BRINP3: variants seen among roughly 807,000 people sequenced by gnomAD.
BRINP3 encodes the protein BMP/retinoic acid-inducible neural-specific protein 3.
Under a neutral mutation model 71.0 loss-of-function variants are expected in BRINP3, and 19 were observed. The observed-to-expected ratio is 0.27, with a 90% CI of 0.19 to 0.39. The LOEUF (loss-of-function observed/expected upper bound fraction) is 0.39. BRINP3 is among the 10% of genes least tolerant of loss of function. BRINP3 has a pLI of 1.00. For missense variants in BRINP3, 959 were observed against 940.8 expected (o/e 1.02, Z -0.25); for synonymous variants, 380 against 337.7 (o/e 1.13, Z -1.37).
At chr1:190,397,990 T>C (rs892174955) in intron 2 of BRINP3, among the ~76,000 whole-genome samples, 3 of 151,976 alleles carry the variant, frequency 2.0e-5, no homozygotes, top group African/African-American at 7.2e-5. Flanking sequence ...AGTGAAGACT[T>C]TATTTTTGGA....
chr1:190,166,676 T>C (rs1651568185), intron 6 of BRINP3, among the ~76,000 whole-genome samples: 1 of 152,154 alleles, frequency 6.6e-6, no homozygotes, highest in African/African-American at 2.4e-5. Flanking sequence ...TAGTTCCATA[T>C]GGTGTTGTTC....
chr1:190,169,417 G>T (rs1467916517), intron 6 of BRINP3, among the ~76,000 whole-genome samples: 3 of 152,114 alleles, frequency 2.0e-5, no homozygotes, highest in Non-Finnish European at 2.9e-5. Flanking sequence ...GATTACTTCT[G>T]CTATTGTGAT....
intron 6 of BRINP3, among the ~76,000 whole-genome samples, chr1:190,176,484 C>A (rs1233095554): frequency 6.6e-6 from 1 of 152,040 alleles, no homozygotes; most frequent in Non-Finnish European, 1.5e-5. Context: ...ATCCTGAAAC[C>A]CTATGTGACA....
At chr1:190,162,915 G>A (rs865972628) in intron 6 of BRINP3, among the ~76,000 whole-genome samples, 9 of 151,994 alleles carry the variant, frequency 5.9e-5, no homozygotes, top group Middle Eastern at 3.2e-3. Context: ...CTGAACACCT[G>A]TTGTGCACAG....
chr1:190,194,237 A>G (rs1654288981), intron 6 of BRINP3, among the ~76,000 whole-genome samples: 1 of 152,120 alleles, frequency 6.6e-6, no homozygotes, highest in Non-Finnish European at 1.5e-5. Flanking sequence ...CACAGAATGC[A>G]GAAAGCCACC....
chr1:190,379,388 A>G (rs1157834711), intron 2 of BRINP3, among the ~76,000 whole-genome samples: 1 of 152,148 alleles, frequency 6.6e-6, no homozygotes, highest in African/African-American at 2.4e-5. Context: ...ACCAATGAAA[A>G]TATATGATCA....
At chr1:190,120,417 T>TATAATATTAAATATTAAA (rs1653538981) in intron 7 of BRINP3, among the ~76,000 whole-genome samples, 1 of 152,202 alleles carries the variant, frequency 6.6e-6, no homozygotes, top group Non-Finnish European at 1.5e-5. Context: ...AATATTGTCA[T>TATAATATTAAATATTAAA]ATAACTACTG....
At chr1:190,303,489 T>C (rs1309449205) in intron 2 of BRINP3, among the ~76,000 whole-genome samples, 1 of 151,802 alleles carries the variant, frequency 6.6e-6, no homozygotes, top group Non-Finnish European at 1.5e-5. Context: ...GGCTGCTATA[T>C]GACATAATTA....
chr1:190,329,314 T>A (rs995511488), intron 2 of BRINP3, among the ~76,000 whole-genome samples: 1 of 151,966 alleles, frequency 6.6e-6, no homozygotes, highest in Non-Finnish European at 1.5e-5. Context: ...CTGGAATGGA[T>A]AAATAACTTC....
rs562837896 is a variant in BRINP3, at chr1:190,259,484, C to G, written c.618+5381G>C. The stretch of plus-strand genomic sequence containing the variant: ...AGCTATGAATTAAAAAGAACTTCCT[C>G]CATGTATTAAAGAGCATGTATGAAA... On this transcript the variant is annotated intron_variant, in intron 4 of 7. Transcript: ENST00000367462. 8.6e-5 allele frequency among the ~76,000 whole-genome samples: 13 copies of G among 151,580 alleles called. No individual in the cohort carries two copies. In the East Asian group the frequency reaches 2.5e-3, roughly 29 times the overall value.
chr1:190,354,991 C>G (rs979553077), intron 2 of BRINP3, among the ~76,000 whole-genome samples: 2 of 151,808 alleles, frequency 1.3e-5, no homozygotes, highest in African/African-American at 4.8e-5. Context: ...CCTAATTCAG[C>G]TACCTCTATC....
intron 7 of BRINP3, among the ~76,000 whole-genome samples, chr1:190,103,458 T>C (rs1651871031): frequency 6.6e-6 from 1 of 152,090 alleles, no homozygotes. Context: ...TTAGGTATGA[T>C]TGGTGAACCA....
At chr1:190,151,278 T>C (rs890252305) in intron 7 of BRINP3, among the ~76,000 whole-genome samples, 4 of 152,192 alleles carry the variant, frequency 2.6e-5, no homozygotes, top group Non-Finnish European at 5.9e-5. Flanking sequence ...TATTAGAGAT[T>C]CAGCCCTAAC....
chr1:190,475,470 G>T (rs570393199), intron 1 of BRINP3, among the ~76,000 whole-genome samples: 29 of 152,262 alleles, frequency 1.9e-4, no homozygotes, highest in African/African-American at 6.3e-4. Context: ...CCAAGCACAC[G>T]TTCGCTGCAG....
chr1:190,116,416 G>A (rs1359602837), intron 7 of BRINP3, among the ~76,000 whole-genome samples: 1 of 152,052 alleles, frequency 6.6e-6, no homozygotes, highest in Non-Finnish European at 1.5e-5. Context: ...AAAGTGGTAT[G>A]TCAACATTAA....
At chr1:190,447,445 CTCTT>C (rs1423971496) in intron 2 of BRINP3, among the ~76,000 whole-genome samples, 9 of 146,930 alleles carry the variant, frequency 6.1e-5, no homozygotes, top group Admixed American at 5.5e-4. Flanking sequence ...TAATTCCAAT[CTCTT>C]TCCCTTTTCT....
chr1:190,114,926 T>C (rs1014729796), intron 7 of BRINP3, among the ~76,000 whole-genome samples: 4 of 152,242 alleles, frequency 2.6e-5, no homozygotes, highest in African/African-American at 9.6e-5. Flanking sequence ...CTTTAAACTA[T>C]TAATAATATT....
intron 2 of BRINP3, among the ~76,000 whole-genome samples, chr1:190,423,377 C>T (rs1673503295): frequency 4.0e-5 from 6 of 151,740 alleles, no homozygotes; most frequent in Middle Eastern, 6.8e-3. Flanking sequence ...AGCCCCCAGT[C>T]CACAATTTTG....
chr1:190,194,791 A>G (rs1340684027), intron 6 of BRINP3, among the ~76,000 whole-genome samples: 1 of 152,070 alleles, frequency 6.6e-6, no homozygotes, highest in Non-Finnish European at 1.5e-5. Context: ...TTCAGTATGG[A>G]TTTTTAATAA....
Sources: allele counts gnomAD v4.1 joint callset (sites outside exome capture counted in the v4.1 genomes callset), GRCh38; gene constraint gnomAD v4.1.1; transcripts MANE v1.5; gene names NCBI Gene and HGNC (gene_info 2026-07-23, HGNC 2026-07-21).